The following OTUD7B variants were observed in gnomAD, a reference collection of about 807,000 sequenced individuals.
OTUD7B encodes the protein OTU deubiquitinase 7B.
Under a neutral mutation model 82.2 loss-of-function variants are expected in OTUD7B, and 34 were observed. The observed-to-expected ratio is 0.41, with a 90% CI of 0.31 to 0.55. OTUD7B has a LOEUF of 0.55. Ranked by LOEUF, OTUD7B falls within the 20% of genes least tolerant of loss-of-function variation. OTUD7B has a pLI of 0.20. For synonymous variants in OTUD7B, 398 were observed against 402.7 expected (o/e 0.99, Z 0.14); for missense variants, 944 against 1,062.1 (o/e 0.89, Z 1.55).
rs782140693 is a variant in OTUD7B, at chr1:149,944,663, G to T, written c.1726C>A (p.Pro576Thr). Residue 576 changes from proline to threonine, a missense_variant, in exon 12 of 12, where the codon CCC becomes ACC. Transcript: ENST00000581312. ...CCGTTACCAACAGACTCAGCTGGGGGCTTCTCAGACACAGGCCCATCCCCA... is the reference window on the plus strand; with the variant it reads ...CCGTTACCAACAGACTCAGCTGGGGTCTTCTCAGACACAGGCCCATCCCCA... ...AAGDGPVSEK[P>T]PAESVGNGGS... 6.2e-7 allele frequency: 1 copy of T among 1,613,804 alleles called. No homozygotes were observed. The highest frequency in any genetic ancestry group is 8.5e-7 in the Non-Finnish European group (1 of 1,180,000).
At chr1:149,962,636 T>A (rs1425850027) in intron 6 of OTUD7B, 1 of 152,242 alleles carries the variant, frequency 6.6e-6, no homozygotes, top group Admixed American at 6.5e-5. Flanking sequence ...AATACCATTA[T>A]AATCTAACCC....
At chr1:150,049,598 C>CTAAGCTTT in the OTUD7B span, among the ~76,000 whole-genome samples, 1 of 142,380 alleles carries the variant, frequency 7.0e-6, no homozygotes. Context: ...CTTAATGTCT[C>CTAAGCTTT]TAAGCTTTTA....
chr1:150,018,570 C>T, the OTUD7B span, among the ~76,000 whole-genome samples: 19 of 152,228 alleles, frequency 1.2e-4, no homozygotes, highest in Admixed American at 5.9e-4. Context: ...GAATTAATGA[C>T]GATTACATGA....
At chr1:149,953,451 C>G (rs375158339) in intron 7 of OTUD7B, among the ~76,000 whole-genome samples, 1 of 152,170 alleles carries the variant, frequency 6.6e-6, no homozygotes, top group African/African-American at 2.4e-5. Context: ...GTTACTGCAG[C>G]CTTGTAGTAT....
intron 7 of OTUD7B, among the ~76,000 whole-genome samples, chr1:149,954,931 C>G (rs1236169174): frequency 6.6e-6 from 1 of 152,128 alleles, no homozygotes; most frequent in African/African-American, 2.4e-5. Context: ...ATTCTTCTCT[C>G]TTTTCTTCTT....
chr1:150,039,612 G>A, the OTUD7B span, among the ~76,000 whole-genome samples: 195 of 152,094 alleles, frequency 1.3e-3, 2 homozygotes, highest in Non-Finnish European at 1.7e-3. Flanking sequence ...TCCTGACCTC[G>A]TGATCGCCTG....
At chr1:150,046,535 C>A in the OTUD7B span, among the ~76,000 whole-genome samples, 2 of 149,478 alleles carry the variant, frequency 1.3e-5, no homozygotes, top group Non-Finnish European at 3.0e-5. Context: ...GCAACCTCCA[C>A]CTCCCGGGTT....
the OTUD7B span, among the ~76,000 whole-genome samples, chr1:150,062,849 G>A: frequency 6.6e-6 from 1 of 150,692 alleles, no homozygotes; most frequent in Admixed American, 6.6e-5. Flanking sequence ...TGAGTACCTG[G>A]GATTACAGGC....
chr1:150,046,345 A>G, the OTUD7B span, among the ~76,000 whole-genome samples: 2 of 151,962 alleles, frequency 1.3e-5, no homozygotes, highest in Admixed American at 6.6e-5. Flanking sequence ...GGTTGTTGTA[A>G]AGCCTCCTAA....
chr1:149,944,748 T>A lies in OTUD7B; in HGVS notation c.1641A>T (p.Thr547=). 4 of 1,613,966 alleles carry A rather than the reference T, an allele frequency of 2.5e-6. No individual in the cohort carries two copies. Among genetic ancestry groups the A allele is most frequent in the Non-Finnish European group, 3.4e-6 (4 of 1,180,008 alleles). ...GTGAGTTTTTCTTCTTCTTCTCCAG[T>A]GTCTCAGTGCCGCTGCTTCCTCCCA... ...TGLGGSSGTE[T]LEKKKKNSLK... is the part of the protein sequence containing the mutation. Residue 547 remains threonine (T), a synonymous_variant, in exon 12 of 12, where the codon ACA becomes ACT. Transcript: ENST00000581312.
chr1:150,053,441 G>A, the OTUD7B span, among the ~76,000 whole-genome samples: 1 of 150,368 alleles, frequency 6.7e-6, no homozygotes, highest in East Asian at 2.0e-4. Flanking sequence ...TTGTCACCCA[G>A]GCTGTAGTGC....
At chr1:149,975,719 T>C (rs782190083) in intron 2 of OTUD7B, among the ~76,000 whole-genome samples, 16 of 151,820 alleles carry the variant, frequency 1.1e-4, no homozygotes, top group Non-Finnish European at 1.9e-4. Flanking sequence ...GGAAAAGTAG[T>C]AGGAGAAGAA....
the OTUD7B span, among the ~76,000 whole-genome samples, chr1:150,051,229 CA>C: frequency 2.4e-3 from 232 of 96,974 alleles, 2 homozygotes; most frequent in Middle Eastern, 0.023. Flanking sequence ...GACTTCGCCT[CA>C]AAAAAAAAAA....
intron 5 of OTUD7B, 64 bp from the exon 6 acceptor site, chr1:149,964,413 G>C (rs1326084997): frequency 7.1e-6 from 11 of 1,543,902 alleles, no homozygotes; most frequent in Non-Finnish European, 9.7e-6. Flanking sequence ...TGTATTTTTA[G>C]TAGAGATGGG....
the OTUD7B span, among the ~76,000 whole-genome samples, chr1:150,036,324 G>A: frequency 6.7e-6 from 1 of 150,006 alleles, no homozygotes; most frequent in Non-Finnish European, 1.5e-5. Flanking sequence ...GCAGTGGCGC[G>A]AGCTCGGCTG....
At chr1:150,054,177 T>C in the OTUD7B span, 2 of 387,556 alleles carry the variant, frequency 5.2e-6, no homozygotes, top group South Asian at 2.3e-5. Flanking sequence ...GGTACGCAGG[T>C]GGTTAAACTT....
intron 7 of OTUD7B, among the ~76,000 whole-genome samples, chr1:149,958,798 G>T (rs1648916813): frequency 6.6e-6 from 1 of 151,616 alleles, no homozygotes; most frequent in South Asian, 2.1e-4. Flanking sequence ...AGGCTGGAGT[G>T]CAGGGGTGCT....
Position 149,957,031 on chromosome 1 carries a change from C to T in OTUD7B, c.845+2653G>A, listed in dbSNP as rs1648739242. Among the ~76,000 whole-genome samples, 3 of 152,208 alleles carry T rather than the reference C, an allele frequency of 2.0e-5. No homozygotes were observed. The South Asian group carries it at 6.2e-4, about 32-fold the overall frequency. ...ATTACCGATCGTCTGAAGCCTTCTTCTCTCAACTCGTCAAAGTCATTCTCC... is the reference window on the plus strand; with the variant it reads ...ATTACCGATCGTCTGAAGCCTTCTTTTCTCAACTCGTCAAAGTCATTCTCC... On this transcript the variant is annotated intron_variant, in intron 7 of 11. Transcript: ENST00000581312.
intron 1 of OTUD7B, among the ~76,000 whole-genome samples, chr1:149,987,622 A>C (rs1651243633): frequency 6.6e-6 from 1 of 152,004 alleles, no homozygotes; most frequent in South Asian, 2.1e-4. Flanking sequence ...CTCTCACTCC[A>C]CTGGTGCCCA....
Sources: allele counts gnomAD v4.1 joint callset (sites outside exome capture counted in the v4.1 genomes callset), GRCh38; gene constraint gnomAD v4.1.1; transcripts MANE v1.5; gene names NCBI Gene and HGNC (gene_info 2026-07-23, HGNC 2026-07-21).